The following AFF1 variants were observed in gnomAD, a reference collection of about 807,000 sequenced individuals.
AFF1 encodes AF4/FMR2 family member 1.
AFF1 carries 48 observed loss-of-function variants against 121.7 expected under a neutral mutation model. The observed-to-expected ratio is 0.39, with a 90% CI of 0.31 to 0.50. The LOEUF (loss-of-function observed/expected upper bound fraction) is 0.50. Among genes scored for constraint, AFF1 ranks in the 20% least tolerant of loss-of-function variants. The pLI is 0.76. For missense variants in AFF1, 1,523 were observed against 1,511.7 expected, an observed-to-expected ratio of 1.01 and a Z score of -0.12; for synonymous variants, 613 against 563.0, an observed-to-expected ratio of 1.09 and a Z score of -1.26.
intron 4 of AFF1, among the ~76,000 whole-genome samples, chr4:87,081,335 G>A (rs913356232): frequency 2.0e-5 from 3 of 151,612 alleles, no homozygotes; most frequent in African/African-American, 4.8e-5. Context: ...CTAATTTTTT[G>A]TATTTTTAGT....
intron 2 of AFF1, among the ~76,000 whole-genome samples, chr4:87,043,001 G>T (rs1228850065): frequency 1.3e-5 from 2 of 152,194 alleles, no homozygotes; most frequent in Non-Finnish European, 1.5e-5. Context: ...TGAGTGTGTG[G>T]AATTGATGAG....
chr4:86,995,869 G>A (rs1298590240), intron 2 of AFF1, among the ~76,000 whole-genome samples: 1 of 151,736 alleles, frequency 6.6e-6, no homozygotes, highest in Non-Finnish European at 1.5e-5. Context: ...GAAGTGAGGA[G>A]CGTCTCTGCC....
chr4:87,071,413 G>A (rs1265728504), intron 4 of AFF1, among the ~76,000 whole-genome samples: 3 of 152,160 alleles, frequency 2.0e-5, no homozygotes, highest in African/African-American at 7.2e-5. Flanking sequence ...AGCGCAGCCT[G>A]GTAGACAGTG....
chr4:86,968,846 A>G (rs535976866), intron 2 of AFF1, among the ~76,000 whole-genome samples: 2 of 152,344 alleles, frequency 1.3e-5, no homozygotes, highest in South Asian at 2.1e-4. Context: ...TTCTCAGCCC[A>G]TGTGGGGGGT....
chr4:87,124,035 G>T (rs756226599), intron 12 of AFF1, among the ~76,000 whole-genome samples: 3 of 152,192 alleles, frequency 2.0e-5, no homozygotes, highest in Non-Finnish European at 4.4e-5. Context: ...TGAACCCAGA[G>T]CCATGGGAAG....
chr4:87,036,877 G>A (rs1578118156), intron 2 of AFF1: 1 of 465,760 alleles, frequency 2.1e-6, no homozygotes, highest in East Asian at 6.3e-5. Context: ...CCATCGCTGA[G>A]GCTGGAGTGC....
chr4:86,991,070 T>G (rs1724663706), intron 2 of AFF1, among the ~76,000 whole-genome samples: 1 of 151,766 alleles, frequency 6.6e-6, no homozygotes, highest in African/African-American at 2.4e-5. Flanking sequence ...GAAAATTACT[T>G]GAACCCAGGA....
rs772540941 is a variant in AFF1, at chr4:87,131,774, C to A, written c.3102-19C>A. The A allele has an allele frequency of 8.3e-6, 13 of 1,569,976 alleles. No individual in the cohort carries two copies. ...CTGCCTTTGTTTAAAACCTGATGTACTTTTATATTTTCCTATAGATTCATA... is the reference window on the plus strand; with the variant it reads ...CTGCCTTTGTTTAAAACCTGATGTAATTTTATATTTTCCTATAGATTCATA... On this transcript the variant is annotated intron_variant, in intron 17 of 20. Coordinates refer to ENST00000395146, the MANE Select transcript of AFF1 (RefSeq NM_001166693.3).
Position 87,139,467 on chromosome 4 carries a change from A to G in AFF1, c.*3766A>G. 4.3e-6 allele frequency: 1 copy of G among 232,484 alleles called. No homozygotes were observed. The highest frequency in any genetic ancestry group is 8.5e-6 in the Non-Finnish European group (1 of 117,300). The allele number at this position is 232,484 out of a possible 1,614,324, so 14.4% of individuals were successfully genotyped here. On this transcript the variant is annotated 3_prime_UTR_variant, in exon 21 of 21. Coordinates refer to ENST00000395146, the MANE Select transcript of AFF1 (RefSeq NM_001166693.3). ...TAAAACTTTGCCATTTCATCTGTTT[A>G]CACTCTTTGCCACTGATTAGCAGTA...
chr4:87,117,602 A>T (rs1344673631), intron 12 of AFF1, among the ~76,000 whole-genome samples: 1 of 152,242 alleles, frequency 6.6e-6, no homozygotes, highest in Admixed American at 6.5e-5. Context: ...AGTTATTTGG[A>T]TCCAAAGTTG....
intron 8 of AFF1, among the ~76,000 whole-genome samples, chr4:87,095,270 C>A (rs1464592688): frequency 3.3e-5 from 5 of 152,156 alleles, no homozygotes; most frequent in African/African-American, 2.4e-5. Context: ...AGGTGCCCAC[C>A]ACCATGCCTG....
intron 2 of AFF1, among the ~76,000 whole-genome samples, chr4:87,026,359 A>C (rs973427689): frequency 6.6e-6 from 1 of 152,046 alleles, no homozygotes; most frequent in African/African-American, 2.4e-5. Flanking sequence ...CGGCCTCCCA[A>C]ATTGCTGGGA....
At chr4:86,988,370 G>A (rs1473174936) in intron 2 of AFF1, among the ~76,000 whole-genome samples, 2 of 148,912 alleles carry the variant, frequency 1.3e-5, no homozygotes, top group Admixed American at 1.3e-4. Context: ...TCTCTACTCC[G>A]TTAGATCAAC....
chr4:87,010,035 T>G (rs2149534393), intron 2 of AFF1, among the ~76,000 whole-genome samples: 1 of 152,340 alleles, frequency 6.6e-6, no homozygotes. Flanking sequence ...GATTAGGCGG[T>G]GTATTCCCAT....
In AFF1 at chr4:87,047,301, C is replaced by G. The variant is rs747024434; in HGVS notation, c.766C>G (p.Leu256Val). The stretch of plus-strand genomic sequence containing the variant: ...TTGCCCAGCCAAATCTCCCAAGGAC[C>G]TAGCAGTGAAAGTCCATGATAAAGA... ...GYCPAKSPKD[L>V]AVKVHDKETP... The change falls in exon 4 of 21, where the codon CTA (leucine) becomes GTA (valine). Residue 256 changes from leucine to valine, a missense_variant. Around this residue, in one of 5 missense-constraint regions of AFF1, gnomAD observed 369 missense variants for 367.2 expected, o/e 1.00. Transcript: ENST00000395146. 8.7e-6 allele frequency: 14 copies of G among 1,614,160 alleles called. No individual in the cohort carries two copies. Among genetic ancestry groups the G allele is most frequent in the Non-Finnish European group, 1.2e-5 (14 of 1,180,034 alleles).
At position 86,940,571 on chromosome 4, in the gene AFF1, G is replaced by T. The variant is rs542426543; in HGVS notation, c.-37+5331G>T. On this transcript the variant is annotated intron_variant, in intron 1 of 20. Coordinates refer to ENST00000395146, the MANE Select transcript of AFF1 (RefSeq NM_001166693.3). ...GTGCCACCACGACCAGCTAATTTTT[G>T]TATTTTTAGTAGAGACGGGGTTTCA... Among the ~76,000 whole-genome samples, 145 of 152,080 alleles carry T rather than the reference G, an allele frequency of 9.5e-4. 2 individuals carry two copies. The South Asian group carries it at 0.029, about 31-fold the overall frequency.
At chr4:87,005,171 C>A (rs1231070513) in intron 2 of AFF1, among the ~76,000 whole-genome samples, 6 of 152,178 alleles carry the variant, frequency 3.9e-5, no homozygotes, top group Non-Finnish European at 8.8e-5. Flanking sequence ...GAAATGGGGT[C>A]TCACCATGTT....
At chr4:87,131,652 C>T (rs1728840546) in intron 17 of AFF1, 141 bp from the exon 18 acceptor site, 2 of 711,438 alleles carry the variant, frequency 2.8e-6, no homozygotes, top group Non-Finnish European at 4.6e-6. Context: ...TGCTCTAAAG[C>T]CTTGGGTTTT....
In AFF1 at chr4:86,946,803, C is replaced by G. The variant is rs914887324; in HGVS notation, c.-36-1695C>G. ...CCCTCTCAGATTGATAGCCACCCAA[C>G]AGCCCAACCTGTCTCCTTTTCTCCT... is the stretch of plus-strand genomic sequence containing the variant. On this transcript the variant is annotated intron_variant, in intron 1 of 20. Coordinates refer to ENST00000395146, the MANE Select transcript of AFF1 (RefSeq NM_001166693.3). 7.9e-5 allele frequency among the ~76,000 whole-genome samples: 12 copies of G among 152,130 alleles called. No individual in the cohort carries two copies. In the East Asian group the frequency reaches 2.1e-3, roughly 27 times the overall value.
Sources: allele counts gnomAD v4.1 joint callset (sites outside exome capture counted in the v4.1 genomes callset), GRCh38; gene constraint gnomAD v4.1.1; regional missense constraint gnomAD v4.1.1; transcripts MANE v1.5; gene names NCBI Gene and HGNC (gene_info 2026-07-23, HGNC 2026-07-21).